Variants in PTPRG observed in about 807,000 individuals in gnomAD.
PTPRG encodes receptor-type tyrosine-protein phosphatase gamma.
A neutral mutation model predicts 165.3 loss-of-function variants in PTPRG; 102 were observed. That is an observed-to-expected ratio of 0.62 (90% CI 0.53 to 0.73). The LOEUF (loss-of-function observed/expected upper bound fraction) is 0.73. Among genes scored for constraint, PTPRG ranks in the 30% least tolerant of loss-of-function variants. The pLI, the probability that PTPRG is intolerant of heterozygous loss-of-function variation, is 0.00. For missense variants in PTPRG, 1,866 were observed against 1,861.4 expected (o/e 1.00, Z -0.05); for synonymous variants, 675 against 669.5 (o/e 1.01, Z -0.13).
At chr3:61,656,528 G>T (rs1193581454) in intron 1 of PTPRG, among the ~76,000 whole-genome samples, 1 of 152,178 alleles carries the variant, frequency 6.6e-6, no homozygotes, top group Non-Finnish European at 1.5e-5. Context: ...CCAATTACTT[G>T]GTACCACTGC....
chr3:62,207,159 C>G (rs1700251454), intron 12 of PTPRG, among the ~76,000 whole-genome samples: 1 of 152,194 alleles, frequency 6.6e-6, no homozygotes, highest in African/African-American at 2.4e-5. Flanking sequence ...TTGCAGGCCA[C>G]AGGTCTCTGC....
intron 28 of PTPRG, among the ~76,000 whole-genome samples, chr3:62,289,310 T>A (rs1479074015): frequency 6.6e-6 from 1 of 152,202 alleles, no homozygotes; most frequent in Non-Finnish European, 1.5e-5. Flanking sequence ...CACACGTTAG[T>A]GATCACTAAG....
intron 1 of PTPRG, among the ~76,000 whole-genome samples, chr3:61,719,133 T>C (rs2106782362): frequency 6.6e-6 from 1 of 152,304 alleles, no homozygotes; most frequent in African/African-American, 2.4e-5. Context: ...ACATGAGACA[T>C]TGTATTGCTT....
intron 2 of PTPRG, among the ~76,000 whole-genome samples, chr3:61,808,253 G>A (rs1253898477): frequency 2.0e-5 from 3 of 152,134 alleles, no homozygotes; most frequent in Admixed American, 6.5e-5. Flanking sequence ...AAAACCCTCC[G>A]ATTTTTTGTT....
intron 2 of PTPRG, among the ~76,000 whole-genome samples, chr3:61,830,621 C>G (rs982085439): frequency 3.9e-5 from 5 of 129,074 alleles, no homozygotes; most frequent in Non-Finnish European, 7.7e-5. Flanking sequence ...GTTGCCCATG[C>G]TGGAGTGCAA....
At position 61,995,095 on chromosome 3, in the gene PTPRG, T is replaced by C. The variant is rs554408700; in HGVS notation, c.370+5291T>C. ...TCTTTTCTTTCTTTCTTTTTTTTTT[T>C]TTTTTTTTTTTGAGACAGAGTCTTG... On this transcript the variant is annotated intron_variant, in intron 3 of 29. Coordinates refer to ENST00000474889, the MANE Select transcript of PTPRG (RefSeq NM_002841.4). 2.1e-5 allele frequency among the ~76,000 whole-genome samples: 3 copies of C among 144,222 alleles called. No homozygotes were observed. In the South Asian group the frequency reaches 7.0e-4, roughly 34 times the overall value. The allele number at this position is 144,222 out of a possible 152,430, so 94.6% of individuals were successfully genotyped here. A position where few individuals can be genotyped will look rare whatever the true frequency, so the allele number is the denominator to read the frequency against.
intron 16 of PTPRG, among the ~76,000 whole-genome samples, chr3:62,256,697 C>T (rs1393855168): frequency 5.3e-5 from 8 of 152,168 alleles, no homozygotes; most frequent in Admixed American, 5.2e-4. Flanking sequence ...AAACATTTAT[C>T]CTCTAGAGAG....
At chr3:61,747,190 T>C (rs961628923) in intron 1 of PTPRG, among the ~76,000 whole-genome samples, 2 of 152,306 alleles carry the variant, frequency 1.3e-5, no homozygotes, top group Non-Finnish European at 1.5e-5. Flanking sequence ...CACCATAACT[T>C]GCGTTATCTT....
At chr3:61,598,403 A>G (rs1237086586) in intron 1 of PTPRG, among the ~76,000 whole-genome samples, 1 of 152,078 alleles carries the variant, frequency 6.6e-6, no homozygotes, top group Non-Finnish European at 1.5e-5. Context: ...TACCCTGGAG[A>G]TTCCTTTTCT....
chr3:61,581,279 C>T (rs1474448391), intron 1 of PTPRG, among the ~76,000 whole-genome samples: 8 of 152,170 alleles, frequency 5.3e-5, no homozygotes, highest in Admixed American at 5.2e-4. Flanking sequence ...TCTTTCATGC[C>T]ACACCTGTTA....
intron 2 of PTPRG, among the ~76,000 whole-genome samples, chr3:61,878,615 T>C (rs894968180): frequency 1.2e-4 from 19 of 152,306 alleles, no homozygotes; most frequent in African/African-American, 4.6e-4. Context: ...TGCCTCTGTC[T>C]CCCAAGTAAC....
chr3:61,647,659 G>T (rs1237237383), intron 1 of PTPRG, among the ~76,000 whole-genome samples: 1 of 152,110 alleles, frequency 6.6e-6, no homozygotes, highest in Non-Finnish European at 1.5e-5. Context: ...GGGCGTGGTG[G>T]CAGGCACCTG....
At chr3:62,057,544 T>G (rs1700673048) in intron 4 of PTPRG, among the ~76,000 whole-genome samples, 1 of 152,202 alleles carries the variant, frequency 6.6e-6, no homozygotes, top group Non-Finnish European at 1.5e-5. Flanking sequence ...GTAATGTGGT[T>G]GTGTACACTG....
chr3:61,605,554 C>A (rs1700979203), intron 1 of PTPRG, among the ~76,000 whole-genome samples: 1 of 135,070 alleles, frequency 7.4e-6, no homozygotes, highest in South Asian at 3.0e-4. Flanking sequence ...CCACACCAAG[C>A]CAATTTTTTT....
intron 2 of PTPRG, among the ~76,000 whole-genome samples, chr3:61,860,305 C>G (rs1484443492): frequency 6.6e-6 from 1 of 152,052 alleles, no homozygotes. Flanking sequence ...TTTGTCCTTT[C>G]ACCTATCACA....
intron 1 of PTPRG, among the ~76,000 whole-genome samples, chr3:61,655,751 A>C (rs61109008): frequency 6.6e-6 from 1 of 152,108 alleles, no homozygotes; most frequent in Non-Finnish European, 1.5e-5. Flanking sequence ...GACAACAGGC[A>C]TATGCCATCA....
At chr3:61,959,390 TG>T (rs989712156) in intron 2 of PTPRG, among the ~76,000 whole-genome samples, 1 of 152,118 alleles carries the variant, frequency 6.6e-6, no homozygotes, top group Non-Finnish European at 1.5e-5. Context: ...AATTTTTCCA[TG>T]GGGGGATGGT....
intron 1 of PTPRG, among the ~76,000 whole-genome samples, chr3:61,744,438 C>A (rs1354262608): frequency 6.6e-6 from 1 of 152,194 alleles, no homozygotes; most frequent in African/African-American, 2.4e-5. Context: ...TGCTGCTAGG[C>A]TACAAACCTG....
intron 1 of PTPRG, among the ~76,000 whole-genome samples, chr3:61,738,333 T>TATATGTATATATATATGTGTATATATAG (rs2032838840): frequency 7.7e-6 from 1 of 129,482 alleles, no homozygotes; most frequent in African/African-American, 2.7e-5. Context: ...TATATATATA[T>TATATGTATATATATATGTGTATATATAG]ATATGTATAT....
Sources: gnomAD v4.1 joint callset for allele counts (sites outside exome capture counted in the v4.1 genomes callset) on GRCh38, gnomAD v4.1.1 for gene constraint, MANE v1.5 for transcripts, NCBI Gene and HGNC (gene_info 2026-07-23, HGNC 2026-07-21) for gene names.